CDH12: variants seen among roughly 807,000 people sequenced by gnomAD.
CDH12 encodes cadherin-12.
Under a neutral mutation model 74.1 loss-of-function variants are expected in CDH12, and 41 were observed. The ratio of observed to expected loss-of-function variants is 0.55; its 90% CI spans 0.43 to 0.72. The LOEUF (loss-of-function observed/expected upper bound fraction) is 0.72. CDH12 is among the 30% of genes least tolerant of loss of function. The pLI is 0.00. For synonymous variants in CDH12, 399 were observed against 355.0 expected (o/e 1.12, Z -1.39); for missense variants, 945 against 977.2 (o/e 0.97, Z 0.44).
At chr5:22,510,285 T>C (rs974115344) in intron 1 of CDH12, among the ~76,000 whole-genome samples, 2 of 152,238 alleles carry the variant, frequency 1.3e-5, no homozygotes, top group Non-Finnish European at 2.9e-5. Flanking sequence ...AATCCTAATA[T>C]TCATTTGAAA....
intron 4 of CDH12, among the ~76,000 whole-genome samples, chr5:22,090,517 A>G (rs1743348234): frequency 6.6e-6 from 1 of 151,336 alleles, no homozygotes; most frequent in Non-Finnish European, 1.5e-5. Context: ...TTGAGGGAAC[A>G]TACCCTGACT....
chr5:22,700,539 T>G (rs904173378), intron 1 of CDH12, among the ~76,000 whole-genome samples: 1 of 152,238 alleles, frequency 6.6e-6, no homozygotes, highest in Non-Finnish European at 1.5e-5. Context: ...GAAATATGTA[T>G]AATAACTTTT....
At chr5:22,745,871 T>C (rs1045270238) in intron 1 of CDH12, among the ~76,000 whole-genome samples, 1 of 151,990 alleles carries the variant, frequency 6.6e-6, no homozygotes, top group Non-Finnish European at 1.5e-5. Flanking sequence ...ATGACACATG[T>C]TTATCTATGT....
intron 1 of CDH12, among the ~76,000 whole-genome samples, chr5:22,542,672 T>C (rs1216885844): frequency 6.6e-6 from 1 of 152,172 alleles, no homozygotes; most frequent in East Asian, 1.9e-4. Context: ...GTGATTCTTT[T>C]TTCTCATGAG....
At chr5:21,917,763 A>G (rs1337609314) in intron 6 of CDH12, among the ~76,000 whole-genome samples, 1 of 152,194 alleles carries the variant, frequency 6.6e-6, no homozygotes, top group African/African-American at 2.4e-5. Context: ...ATACAAATAA[A>G]TTTACAGAAA....
intron 3 of CDH12, among the ~76,000 whole-genome samples, chr5:22,330,625 T>A (rs1739309405): frequency 6.6e-6 from 1 of 151,058 alleles, no homozygotes; most frequent in South Asian, 2.1e-4. Context: ...GTGGTGCACA[T>A]CTGCAGTCCC....
chr5:21,858,285 C>T (rs551985842), intron 6 of CDH12, among the ~76,000 whole-genome samples: 1 of 151,890 alleles, frequency 6.6e-6, no homozygotes, highest in South Asian at 2.1e-4. Context: ...AAATTATAGT[C>T]ATAACATAAT....
At chr5:22,836,686 CA>C (rs565637726) in intron 1 of CDH12, among the ~76,000 whole-genome samples, 5 of 151,068 alleles carry the variant, frequency 3.3e-5, no homozygotes, top group South Asian at 4.2e-4. Context: ...GGTGTTTATT[CA>C]AAAAAAAATT....
intron 3 of CDH12, among the ~76,000 whole-genome samples, chr5:22,392,146 A>C: frequency 6.6e-6 from 1 of 152,294 alleles, no homozygotes; most frequent in South Asian, 2.1e-4. Flanking sequence ...AGACTCACTA[A>C]ATAACGATTC....
At chr5:22,300,007 G>A (rs1737804519) in intron 3 of CDH12, among the ~76,000 whole-genome samples, 1 of 152,286 alleles carries the variant, frequency 6.6e-6, no homozygotes, top group East Asian at 1.9e-4. Flanking sequence ...AATAGATTGA[G>A]AGGTTATAAT....
chr5:21,915,840 G>GTGTT (rs1754066012), intron 6 of CDH12, among the ~76,000 whole-genome samples: 1 of 151,192 alleles, frequency 6.6e-6, no homozygotes, highest in Non-Finnish European at 1.5e-5. Context: ...GTGTGTGTGT[G>GTGTT]TGTGTGTGTG....
intron 3 of CDH12, among the ~76,000 whole-genome samples, chr5:22,310,088 A>G (rs1175225026): frequency 6.6e-6 from 1 of 151,956 alleles, no homozygotes; most frequent in Non-Finnish European, 1.5e-5. Flanking sequence ...ACCATGGCAC[A>G]TGTATACTTA....
At chr5:21,956,784 T>C (rs1459194829) in intron 6 of CDH12, among the ~76,000 whole-genome samples, 3 of 152,234 alleles carry the variant, frequency 2.0e-5, no homozygotes, top group Non-Finnish European at 4.4e-5. Context: ...AGTGTTCTTA[T>C]TAAGCATTAT....
chr5:21,973,833 A>T (rs1272002559), intron 6 of CDH12, among the ~76,000 whole-genome samples: 1 of 152,220 alleles, frequency 6.6e-6, no homozygotes, highest in Non-Finnish European at 1.5e-5. Context: ...CTTTCTAACA[A>T]GATATGCTTC....
rs185861072 is a variant in CDH12 at position 21,940,151 on chromosome 5, C to T, written c.526+34940G>A. 6.0e-3 allele frequency among the ~76,000 whole-genome samples: 909 copies of T among 152,190 alleles called. 6 individuals carry two copies. Among genetic ancestry groups the T allele is most frequent in the African/African-American group, 0.021 (871 of 41,504 alleles). On this transcript the variant is annotated intron_variant, in intron 6 of 14. Coordinates refer to ENST00000382254, the MANE Select transcript of CDH12 (RefSeq NM_004061.5). The stretch of plus-strand genomic sequence containing the variant: ...CTGAGGTGGGAAAATCACTTGAGCC[C>T]AGGAGGCGGAAGCTGCACTGAGCCA...
At chr5:21,826,574 C>T (rs1748682023) in intron 8 of CDH12, among the ~76,000 whole-genome samples, 1 of 152,132 alleles carries the variant, frequency 6.6e-6, no homozygotes, top group African/African-American at 2.4e-5. Context: ...AGGTGTCTTT[C>T]CATTCTGCAC....
intron 3 of CDH12, among the ~76,000 whole-genome samples, chr5:22,399,188 CAGTA>C (rs1251457892): frequency 2.2e-5 from 3 of 134,278 alleles, no homozygotes; most frequent in Non-Finnish European, 4.9e-5. Flanking sequence ...ATAATCTACC[CAGTA>C]TCTATCTATC....
At position 21,751,782 on chromosome 5, in the gene CDH12, G is replaced by A. The variant is rs201750582; in HGVS notation, c.2340C>T (p.Asp780=). ...TATAACTCTCTTCTTCGCCAAACAT[G>A]TCTGCCAAGACTTTAAAGCGGGGTC... is the stretch of plus-strand genomic sequence containing the variant. The part of the protein sequence containing the change: ...DWGPRFKVLA[D]MFGEEESYNP... Residue 780 remains aspartate (D), a synonymous_variant, in exon 15 of 15, where the codon GAC becomes GAT. Transcript: ENST00000382254. The A allele has an allele frequency of 7.0e-5, 113 of 1,613,992 alleles. No individual in the cohort carries two copies. In the African/African-American group the frequency reaches 1.2e-3, roughly 17 times the overall value.
chr5:22,766,124 A>C (rs1200130764), intron 1 of CDH12, among the ~76,000 whole-genome samples: 2 of 152,038 alleles, frequency 1.3e-5, no homozygotes, highest in African/African-American at 4.8e-5. Flanking sequence ...ATTTTCAACT[A>C]TTAGAAAGTA....
Sources: gnomAD v4.1 joint callset for allele counts (sites outside exome capture counted in the v4.1 genomes callset) on GRCh38, gnomAD v4.1.1 for gene constraint, MANE v1.5 for transcripts, NCBI Gene and HGNC (gene_info 2026-07-23, HGNC 2026-07-21) for gene names.